Variants in RMDN2 observed in about 807,000 individuals in gnomAD.
The protein encoded by RMDN2 is regulator of microtubule dynamics 2, also known as regulator of microtubule dynamics protein 2.
A neutral mutation model predicts 52.8 loss-of-function variants in RMDN2; 61 were observed. The observed-to-expected ratio is 1.16, with a 90% CI of 0.94 to 1.43. The LOEUF (loss-of-function observed/expected upper bound fraction) is 1.43, where lower values mean the gene tolerates loss of function less well. Ranked by LOEUF, RMDN2 falls within the 40% of genes most tolerant of loss-of-function variation. The pLI is 0.00. For missense variants in RMDN2, 592 were observed against 475.3 expected (o/e 1.25, Z -2.28); for synonymous variants, 180 against 153.1 (o/e 1.18, Z -1.30).
rs78463325 is a variant in RMDN2, at chr2:37,984,480, G to A, written c.791+3137G>A. ...GTACTGTGTGTATGTGTGCATGCAC[G>A]CATGAATGTGTGTATTGATTAGTAA... On this transcript the variant is annotated intron_variant, in intron 5 of 10. Transcript: ENST00000354545. Among the ~76,000 whole-genome samples, 1,416 of 152,308 alleles carry A rather than the reference G, an allele frequency of 9.3e-3. 23 individuals are homozygous for A. The highest frequency in any genetic ancestry group is 0.045 in the East Asian group (233 of 5,196).
At chr2:37,922,114 T>A (rs1666048993), upstream of RMDN2, among the ~76,000 whole-genome samples, 2 of 152,292 alleles carry the variant, frequency 1.3e-5, no homozygotes, top group South Asian at 4.1e-4. Flanking sequence ...CCCCAGCTAT[T>A]TGCAGTAAAA....
chr2:38,066,814 G>T, intron 10 of RMDN2: 1 of 608,862 alleles, frequency 1.6e-6, no homozygotes, highest in Non-Finnish European at 3.0e-6. Flanking sequence ...ATTCTTAACT[G>T]TCCTGACATT....
rs1332260506 is a variant in RMDN2 at position 37,932,508 on chromosome 2, C to T, written c.452+2779C>T. On this transcript the variant is annotated intron_variant, in intron 2 of 10. Coordinates refer to ENST00000354545, the MANE Select transcript of RMDN2 (RefSeq NM_001170791.3). ...CCATCCGATTTCTCAATCTTTTCCC[C>T]ACCTTTCCCCCCTTTCTATTCCACA... 1.1e-3 allele frequency among the ~76,000 whole-genome samples: 160 copies of T among 150,902 alleles called. 2 individuals carry two copies. The South Asian group carries it at 0.03, about 29-fold the overall frequency.
intron 2 of RMDN2, among the ~76,000 whole-genome samples, chr2:37,944,542 C>G (rs758154528): frequency 6.6e-6 from 1 of 152,162 alleles, no homozygotes; most frequent in Non-Finnish European, 1.5e-5. Flanking sequence ...TAATAGTAGC[C>G]TTTCACTTCT....
intron 2 of RMDN2, among the ~76,000 whole-genome samples, chr2:37,934,225 T>C (rs924426395): frequency 1.3e-5 from 2 of 152,270 alleles, no homozygotes; most frequent in East Asian, 3.8e-4. Context: ...TCCTTAGTTG[T>C]TGACAAAAAC....
chr2:38,018,718 C>T (rs1679105809), downstream of RMDN2, among the ~76,000 whole-genome samples: 3 of 152,064 alleles, frequency 2.0e-5, no homozygotes, highest in South Asian at 6.3e-4. Flanking sequence ...CTGTATTTTT[C>T]CTATATTTCC....
downstream of RMDN2, among the ~76,000 whole-genome samples, chr2:38,020,327 G>A (rs112491946): frequency 0.013 from 1,915 of 152,182 alleles, 27 homozygotes; most frequent in African/African-American, 0.039. Context: ...GACCTATCAG[G>A]CATTGATTCT....
chr2:37,969,116 C>T (rs766674713), intron 2 of RMDN2, among the ~76,000 whole-genome samples: 1 of 151,668 alleles, frequency 6.6e-6, no homozygotes, highest in Non-Finnish European at 1.5e-5. Context: ...GTTGCTATAC[C>T]AATACCACAT....
intron 10 of RMDN2, among the ~76,000 whole-genome samples, chr2:38,026,148 T>G (rs1679766712): frequency 6.6e-6 from 1 of 152,150 alleles, no homozygotes; most frequent in Admixed American, 6.5e-5. Context: ...ACAGGGCTAT[T>G]TAGATTATCT....
chr2:37,938,956 C>T (rs1667552815), intron 2 of RMDN2, among the ~76,000 whole-genome samples: 1 of 152,108 alleles, frequency 6.6e-6, no homozygotes, highest in South Asian at 2.1e-4. Flanking sequence ...TTTGTTTGCT[C>T]TTGCTGCACT....
intron 10 of RMDN2, among the ~76,000 whole-genome samples, chr2:38,055,944 G>C (rs1249164074): frequency 2.0e-5 from 3 of 152,072 alleles, no homozygotes; most frequent in Admixed American, 2.0e-4. Flanking sequence ...TTAACAAGTA[G>C]GGTGATGGAT....
At position 37,970,989 on chromosome 2, in the gene RMDN2, CTTCTA is replaced by C. The variant is rs141525601; in HGVS notation, c.453-3046_453-3042del. Among the ~76,000 whole-genome samples, 949 of 151,742 alleles carry C rather than the reference CTTCTA, an allele frequency of 6.3e-3. 18 individuals are homozygous for C. In the East Asian group the frequency reaches 0.064, roughly 10 times the overall value. On this transcript the variant is annotated intron_variant, in intron 2 of 10. Transcript: ENST00000354545. The stretch of plus-strand genomic sequence containing the variant: ...AGATATATGATTCATAACATATTTT[CTTCTA>C]TTCTGTGGGTTTTTTCACTTTTTTA...
At chr2:37,921,977 G>A (rs943025587), upstream of RMDN2, among the ~76,000 whole-genome samples, 5 of 152,174 alleles carry the variant, frequency 3.3e-5, no homozygotes, top group South Asian at 6.2e-4. Flanking sequence ...CAAATGATTC[G>A]GGGAACTCAG....
intron 2 of RMDN2, among the ~76,000 whole-genome samples, chr2:37,932,007 G>A (rs572136584): frequency 3.0e-4 from 45 of 152,088 alleles, no homozygotes; most frequent in Middle Eastern, 3.4e-3. Context: ...CAGACAAACA[G>A]TTTGGATTTT....
chr2:37,923,911 GGC>G (rs1666105391), upstream of RMDN2, among the ~76,000 whole-genome samples: 1 of 152,058 alleles, frequency 6.6e-6, no homozygotes, highest in Non-Finnish European at 1.5e-5. Flanking sequence ...CACCACACTC[GGC>G]TAATTTTTGT....
chr2:37,956,423 G>A (rs970588309), intron 2 of RMDN2, among the ~76,000 whole-genome samples: 1 of 151,680 alleles, frequency 6.6e-6, no homozygotes, highest in Non-Finnish European at 1.5e-5. Flanking sequence ...TATTTATTTA[G>A]TCTCCTTTTT....
chr2:37,983,411 A>C (rs1673588354), intron 5 of RMDN2, among the ~76,000 whole-genome samples: 1 of 152,174 alleles, frequency 6.6e-6, no homozygotes, highest in African/African-American at 2.4e-5. Context: ...TTTGTTGAGA[A>C]CTAAATGCCT....
intron 10 of RMDN2, among the ~76,000 whole-genome samples, chr2:38,038,747 C>A (rs906764652): frequency 6.6e-6 from 1 of 152,134 alleles, no homozygotes; most frequent in Non-Finnish European, 1.5e-5. Flanking sequence ...CTTCTCACAG[C>A]CCACAGGGTT....
intron 10 of RMDN2, among the ~76,000 whole-genome samples, chr2:38,049,249 A>G (rs1449045147): frequency 6.6e-6 from 1 of 152,126 alleles, no homozygotes; most frequent in Non-Finnish European, 1.5e-5. Context: ...CAGAAAGAAA[A>G]GGGAGTAGAA....
Sources: allele counts gnomAD v4.1 joint callset (sites outside exome capture counted in the v4.1 genomes callset), GRCh38; gene constraint gnomAD v4.1.1; transcripts MANE v1.5; gene names NCBI Gene and HGNC (gene_info 2026-07-23, HGNC 2026-07-21).